Variants in ST7 observed in about 807,000 individuals in gnomAD.
ST7 encodes the protein suppressor of tumorigenicity 7 protein.
A neutral mutation model predicts 78.7 loss-of-function variants in ST7; 28 were observed. The ratio of observed to expected loss-of-function variants is 0.36; its 90% confidence interval spans 0.26 to 0.49. ST7 has a LOEUF of 0.49. Ranked by LOEUF, ST7 falls within the 20% of genes least tolerant of loss-of-function variation. The pLI, the probability that ST7 is intolerant of heterozygous loss-of-function variation, is 0.99. For synonymous variants in ST7, 247 were observed against 249.6 expected (o/e 0.99, Z 0.10); for missense variants, 418 against 696.0 (o/e 0.60, Z 4.49).
chr7:117,095,605 G>C (rs1258683971), intron 1 of ST7, among the ~76,000 whole-genome samples: 2 of 152,178 alleles, frequency 1.3e-5, no homozygotes, highest in African/African-American at 4.8e-5. Flanking sequence ...AGTGTGACCT[G>C]TTAGAGGTGC....
intron 2 of ST7, among the ~76,000 whole-genome samples, chr7:117,119,062 A>G (rs1803146362): frequency 6.6e-6 from 1 of 152,048 alleles, no homozygotes; most frequent in South Asian, 2.1e-4. Context: ...TAAAACCAGT[A>G]TTTCCTTAAG....
At position 117,068,571 on chromosome 7, in the gene ST7, G is replaced by T. The variant is rs555251350; in HGVS notation, c.152-31191G>T. Among the ~76,000 whole-genome samples the T allele has an allele frequency of 9.2e-5, 14 of 152,308 alleles. 1 individual carries two copies. Among genetic ancestry groups the T allele is most frequent in the African/African-American group, 3.4e-4 (14 of 41,562 alleles). On this transcript the variant is annotated intron_variant, in intron 1 of 15. Coordinates refer to ENST00000323984, the MANE Select transcript of ST7 (RefSeq NM_001369598.1). Reference sequence around the variant, plus strand: ...CCTGGGGAGTTGGAAATCCAGAGTTGTTCCTTACTCTATTAGAAAAATGAA... The same window carrying T: ...CCTGGGGAGTTGGAAATCCAGAGTTTTTCCTTACTCTATTAGAAAAATGAA...
intron 1 of ST7, among the ~76,000 whole-genome samples, chr7:117,070,433 G>A (rs1481490006): frequency 6.6e-6 from 1 of 152,190 alleles, no homozygotes; most frequent in Non-Finnish European, 1.5e-5. Context: ...ATGGGAGGAG[G>A]GGGAAATGGA....
chr7:116,992,924 G>A (rs965979017), intron 1 of ST7, among the ~76,000 whole-genome samples: 7 of 152,182 alleles, frequency 4.6e-5, no homozygotes, highest in African/African-American at 1.4e-4. Context: ...GCAAAGTGCC[G>A]CCAGTCTCTT....
chr7:117,025,223 T>C (rs571460318), intron 1 of ST7, among the ~76,000 whole-genome samples: 6 of 152,188 alleles, frequency 3.9e-5, no homozygotes, highest in Non-Finnish European at 8.8e-5. Context: ...TTCTGTGAAT[T>C]GGCTGAGATT....
intron 9 of ST7, among the ~76,000 whole-genome samples, chr7:117,154,082 G>A (rs1318980722): frequency 6.6e-6 from 1 of 152,172 alleles, no homozygotes; most frequent in Non-Finnish European, 1.5e-5. Flanking sequence ...ATGAATGTTT[G>A]TATTCTCCCC....
At chr7:117,063,428 G>A (rs1798458722) in intron 1 of ST7, among the ~76,000 whole-genome samples, 2 of 152,304 alleles carry the variant, frequency 1.3e-5, no homozygotes, top group Admixed American at 6.5e-5. Flanking sequence ...GTATTTCAGG[G>A]CCAGGCACAG....
intron 15 of ST7, among the ~76,000 whole-genome samples, chr7:117,225,148 C>T (rs1464682286): frequency 6.6e-6 from 1 of 152,130 alleles, no homozygotes; most frequent in Non-Finnish European, 1.5e-5. Flanking sequence ...CCTGGGTGTT[C>T]TCTAGGACTG....
rs1809213211 is a variant in ST7 at position 117,185,886 on chromosome 7, G to A, written c.1079-3435G>A. ...TGCAGTTAGCTGAGATCGTGCCATT[G>A]CACTCTAGCCTGGGCGACAGAGCGA... On this transcript the variant is annotated intron_variant, in intron 10 of 15. Coordinates refer to ENST00000323984, the MANE Select transcript of ST7 (RefSeq NM_001369598.1). Among the ~76,000 whole-genome samples, 2 of 152,168 alleles carry A rather than the reference G, an allele frequency of 1.3e-5. 1 individual carries two copies. Among genetic ancestry groups the A allele is most frequent in the Admixed American group, 1.3e-4 (2 of 15,282 alleles).
chr7:117,156,522 G>A (rs145094860), intron 9 of ST7, among the ~76,000 whole-genome samples: 31 of 152,244 alleles, frequency 2.0e-4, no homozygotes, highest in African/African-American at 5.3e-4. Context: ...GGAACTCAGA[G>A]GTGAGGAGTT....
chr7:117,212,400 G>A (rs1483526676), intron 13 of ST7, among the ~76,000 whole-genome samples: 2 of 152,110 alleles, frequency 1.3e-5, no homozygotes, highest in Non-Finnish European at 2.9e-5. Context: ...AACAGATTAA[G>A]AATACGAAGA....
intron 1 of ST7, among the ~76,000 whole-genome samples, chr7:117,016,922 T>A (rs1259211896): frequency 2.4e-4 from 37 of 152,230 alleles, no homozygotes; most frequent in Non-Finnish European, 1.5e-5. Context: ...GCACAATCAC[T>A]TTTGTACTAA....
At chr7:116,955,012 T>TCAG (rs1792378654) in intron 1 of ST7, 4 of 419,008 alleles carry the variant, frequency 9.5e-6, no homozygotes, top group South Asian at 7.3e-5. Flanking sequence ...CGGATAGGAT[T>TCAG]CAGCACTCTA....
intron 7 of ST7, among the ~76,000 whole-genome samples, chr7:117,134,993 T>A (rs12706143): frequency 0.17 from 25,985 of 151,940 alleles, 2,831 homozygotes; most frequent in South Asian, 0.28. Flanking sequence ...TAGCTGGCTA[T>A]TGCAGTTTGT....
intron 2 of ST7, among the ~76,000 whole-genome samples, chr7:117,118,882 G>T (rs1217631664): frequency 6.6e-6 from 1 of 152,124 alleles, no homozygotes; most frequent in Non-Finnish European, 1.5e-5. Flanking sequence ...TTTCCCTTTT[G>T]TAATTCACAG....
chr7:117,102,149 C>T (rs943268786), intron 2 of ST7, among the ~76,000 whole-genome samples: 2 of 152,062 alleles, frequency 1.3e-5, no homozygotes, highest in African/African-American at 2.4e-5. Context: ...TACTTTTTAA[C>T]GTTAAAATTT....
At chr7:117,047,522 A>G (rs943882511) in intron 1 of ST7, among the ~76,000 whole-genome samples, 5 of 152,172 alleles carry the variant, frequency 3.3e-5, no homozygotes, top group African/African-American at 1.2e-4. Flanking sequence ...TTTTAGAACC[A>G]TGCAAATGTG....
At chr7:117,041,536 A>G (rs1266010921) in intron 1 of ST7, among the ~76,000 whole-genome samples, 2 of 152,292 alleles carry the variant, frequency 1.3e-5, no homozygotes, top group South Asian at 2.1e-4. Flanking sequence ...ATGTTTTCCT[A>G]TAAATTGTTT....
intron 9 of ST7, among the ~76,000 whole-genome samples, chr7:117,159,245 A>G (rs1806941534): frequency 6.6e-6 from 1 of 152,214 alleles, no homozygotes; most frequent in Non-Finnish European, 1.5e-5. Context: ...ATTTGAGCTC[A>G]TAAATGTTAA....
Sources: allele counts gnomAD v4.1 joint callset (sites outside exome capture counted in the v4.1 genomes callset), GRCh38; gene constraint gnomAD v4.1.1; transcripts MANE v1.5; gene names NCBI Gene and HGNC (gene_info 2026-07-23, HGNC 2026-07-21).